ATP10A: variants seen among roughly 807,000 people sequenced by gnomAD.
ATP10A encodes phospholipid-transporting ATPase VA.
Under a neutral mutation model 147.8 loss-of-function variants are expected in ATP10A, and 111 were observed. That is an observed-to-expected ratio of 0.75 (90% CI 0.64 to 0.88). ATP10A has a LOEUF of 0.88. ATP10A is among the 40% of genes least tolerant of loss of function. ATP10A has a pLI of 0.00. For missense variants in ATP10A, 1,927 were observed against 1,959.0 expected, an observed-to-expected ratio of 0.98 and a Z score of 0.31; for synonymous variants, 875 against 841.6, an observed-to-expected ratio of 1.04 and a Z score of -0.69.
chr15:25,807,790 G>GA (rs1367396324), intron 1 of ATP10A, among the ~76,000 whole-genome samples: 1 of 149,776 alleles, frequency 6.7e-6, no homozygotes, highest in Non-Finnish European at 1.5e-5. Context: ...TGACAAGAGT[G>GA]AAACTCCATC....
intron 1 of ATP10A, among the ~76,000 whole-genome samples, chr15:25,807,946 C>T (rs538371410): frequency 4.4e-4 from 66 of 151,346 alleles, no homozygotes; most frequent in Non-Finnish European, 8.0e-4. Flanking sequence ...AGGAAGACCA[C>T]AGTAGAACAT....
intron 1 of ATP10A, among the ~76,000 whole-genome samples, chr15:25,854,942 C>T (rs552330105): frequency 9.9e-5 from 15 of 152,062 alleles, no homozygotes; most frequent in Middle Eastern, 6.8e-3. Context: ...TGCCTGTAAT[C>T]CCAGCTATTC....
chr15:25,727,054 T>TGA (rs1567336772), intron 4 of ATP10A, 106 bp downstream of exon 4: 19 of 384,494 alleles, frequency 4.9e-5, no homozygotes, highest in Non-Finnish European at 8.2e-5. Context: ...GAGACTCGTC[T>TGA]CAAAAAAAAA....
chr15:25,742,639 T>C (rs1476978245), intron 2 of ATP10A, among the ~76,000 whole-genome samples: 2 of 152,182 alleles, frequency 1.3e-5, no homozygotes, highest in African/African-American at 2.4e-5. Flanking sequence ...AAACGCTCCA[T>C]GCTGTTTCAG....
At chr15:25,743,277 C>T (rs1391569730) in intron 2 of ATP10A, among the ~76,000 whole-genome samples, 4 of 152,194 alleles carry the variant, frequency 2.6e-5, no homozygotes, top group Non-Finnish European at 5.9e-5. Flanking sequence ...GAAATGGCAA[C>T]AGAAATGTGA....
chr15:25,727,356 C>T, intron 3 of ATP10A, 90 bp from the exon 4 acceptor site: 1 of 1,189,822 alleles, frequency 8.4e-7, no homozygotes. Flanking sequence ...AAGGCCCTGA[C>T]ACAATGAAAG....
rs138599004 is a variant in ATP10A at position 25,761,605 on chromosome 15, G to C, written c.654+19414C>G. Reference sequence around the variant, plus strand: ...CCACCTCTGGCATCAGTGTGACCTAGATGTGAGACATGGAGTCAAAGGAGA... The same window carrying C: ...CCACCTCTGGCATCAGTGTGACCTACATGTGAGACATGGAGTCAAAGGAGA... On this transcript the variant is annotated intron_variant, in intron 2 of 20. Transcript: ENST00000555815. Among the ~76,000 whole-genome samples, 5 of 152,346 alleles carry C rather than the reference G, an allele frequency of 3.3e-5. No individual in the cohort carries two copies. In the East Asian group the frequency reaches 9.6e-4, roughly 29 times the overall value.
intron 1 of ATP10A, among the ~76,000 whole-genome samples, chr15:25,798,809 C>T (rs1178596182): frequency 3.9e-5 from 6 of 152,204 alleles, no homozygotes; most frequent in African/African-American, 1.4e-4. Context: ...AGCTGCCTGA[C>T]AGCTGTGCCC....
At chr15:25,718,879 G>T (rs1902025218) in intron 7 of ATP10A, among the ~76,000 whole-genome samples, 1 of 152,180 alleles carries the variant, frequency 6.6e-6, no homozygotes, top group East Asian at 1.9e-4. Flanking sequence ...TATGGCACAG[G>T]GGGGCTCACA....
At chr15:25,853,968 A>G (rs1304447279) in intron 1 of ATP10A, among the ~76,000 whole-genome samples, 4 of 151,254 alleles carry the variant, frequency 2.6e-5, no homozygotes, top group Non-Finnish European at 5.9e-5. Context: ...AAAAAAAAAG[A>G]CTCAGGAGAC....
At chr15:25,825,554 T>A (rs1170113886) in intron 1 of ATP10A, among the ~76,000 whole-genome samples, 1 of 152,068 alleles carries the variant, frequency 6.6e-6, no homozygotes, top group Non-Finnish European at 1.5e-5. Context: ...CATGCACACA[T>A]AACATCAGCA....
chr15:25,770,430 CCCT>C (rs1461369418), intron 2 of ATP10A, among the ~76,000 whole-genome samples: 1 of 152,182 alleles, frequency 6.6e-6, no homozygotes, highest in African/African-American at 2.4e-5. Flanking sequence ...GGGGCTGACT[CCCT>C]CTGAGTCTCA....
In ATP10A at chr15:25,718,313, T is replaced by C. The variant is rs538664152; in HGVS notation, c.1450A>G (p.Ile484Val). Residue 484 changes from isoleucine to valine, a missense_variant, in exon 8 of 21, where the codon ATC becomes GTC. Coordinates refer to ENST00000555815, the MANE Select transcript of ATP10A (RefSeq NM_024490.4). ...RGGSVSQRGS[I>V]GSHQSVRVVH... ...ACCCGGACACTCTGGTGGCTGCCGATGCTGCCGCGCTGGGACACCGAGCCC... is the reference window on the plus strand; with the variant it reads ...ACCCGGACACTCTGGTGGCTGCCGACGCTGCCGCGCTGGGACACCGAGCCC... 87 of 1,611,580 alleles carry C rather than the reference T, an allele frequency of 5.4e-5. 2 individuals carry two copies. The South Asian group carries it at 8.7e-4, about 16-fold the overall frequency.
At chr15:25,723,012 G>A (rs116371226) in intron 6 of ATP10A, among the ~76,000 whole-genome samples, 373 of 152,308 alleles carry the variant, frequency 2.4e-3, no homozygotes, top group African/African-American at 8.6e-3. Context: ...CACATTTATG[G>A]AAGGACTAGT....
chr15:25,683,716 T>G, intron 16 of ATP10A: 1 of 556,988 alleles, frequency 1.8e-6, no homozygotes, highest in Non-Finnish European at 3.2e-6. Context: ...GAACTGGCAG[T>G]GGGAATTGGG....
At chr15:25,689,858 T>C (rs1167163268) in intron 15 of ATP10A, among the ~76,000 whole-genome samples, 1 of 152,148 alleles carries the variant, frequency 6.6e-6, no homozygotes, top group African/African-American at 2.4e-5. Flanking sequence ...CTCCGGCCCC[T>C]CCCCAGCCAC....
At chr15:25,830,900 A>C (rs1428628025) in intron 1 of ATP10A, among the ~76,000 whole-genome samples, 2 of 152,228 alleles carry the variant, frequency 1.3e-5, no homozygotes, top group Non-Finnish European at 2.9e-5. Context: ...GAAGCCAGGA[A>C]AATGATTCAC....
At chr15:25,833,859 C>T (rs1344688534) in intron 1 of ATP10A, among the ~76,000 whole-genome samples, 1 of 152,090 alleles carries the variant, frequency 6.6e-6, no homozygotes, top group African/African-American at 2.4e-5. Context: ...GTGGTCCCAG[C>T]TACTTGGGAG....
intron 4 of ATP10A, among the ~76,000 whole-genome samples, chr15:25,726,319 G>C (rs1228006840): frequency 6.6e-6 from 1 of 152,142 alleles, no homozygotes; most frequent in Non-Finnish European, 1.5e-5. Flanking sequence ...GAAATGGAAA[G>C]AAATACACTA....
Sources: allele counts gnomAD v4.1 joint callset (sites outside exome capture counted in the v4.1 genomes callset), GRCh38; gene constraint gnomAD v4.1.1; transcripts MANE v1.5; gene names NCBI Gene and HGNC (gene_info 2026-07-23, HGNC 2026-07-21).